The following INTS6L variants were observed in gnomAD, a reference collection of about 807,000 sequenced individuals.
INTS6L encodes integrator complex subunit 6 like, also known as integrator complex subunit 6-like.
A neutral mutation model predicts 64.7 loss-of-function variants in INTS6L; 18 were observed. The observed-to-expected ratio is 0.28, with a 90% CI of 0.19 to 0.41. The LOEUF is 0.41. Ranked by LOEUF, INTS6L falls within the 10% of genes least tolerant of loss-of-function variation. INTS6L has a pLI of 1.00. For synonymous variants in INTS6L, 227 were observed against 235.9 expected (o/e 0.96, Z 0.34); for missense variants, 533 against 661.0 (o/e 0.81, Z 2.12).
intron 2 of INTS6L, among the ~76,000 whole-genome samples, chrX:135,533,805 A>G (rs1164712065): frequency 8.9e-6 from 1 of 112,357 alleles, no homozygotes; most frequent in Non-Finnish European, 1.9e-5. Flanking sequence ...GTATCTGTCC[A>G]TAAATGAGCC....
intron 6 of INTS6L, among the ~76,000 whole-genome samples, chrX:135,547,646 C>T (rs1187751838): frequency 5.4e-5 from 6 of 111,560 alleles, no homozygotes; most frequent in South Asian, 7.5e-4. Context: ...GCCATCTTTA[C>T]GAAATATGTG....
chrX:135,580,953 C>T, intron 16 of INTS6L, 97 bp from the exon 17 acceptor site: 1 of 586,672 alleles, frequency 1.7e-6, no homozygotes, highest in Non-Finnish European at 2.5e-6. Flanking sequence ...ATCTAACTTT[C>T]CACTCACGAA....
Position 135,551,978 on chromosome X carries a change from A to G in INTS6L, c.907-16A>G, listed in dbSNP as rs782400888. On this transcript the variant is annotated splice_polypyrimidine_tract_variant and intron_variant, in intron 7 of 17. Transcript: ENST00000639893. ...CCTAACCATTTTTTCTGCTTTTTTT[A>G]AAAAATTTTTTTTAGCCTCCACGAA... 1.8e-6 allele frequency: 2 copies of G among 1,115,376 alleles called. No individual in the cohort carries two copies. Among genetic ancestry groups the G allele is most frequent in the South Asian group, 4.7e-5 (2 of 42,746 alleles). The allele number at this position is 1,115,376 out of a possible 1,213,427, so 91.9% of individuals were successfully genotyped here.
intron 2 of INTS6L, among the ~76,000 whole-genome samples, chrX:135,534,211 T>C (rs1171871865): frequency 2.8e-5 from 3 of 108,768 alleles, no homozygotes; most frequent in Non-Finnish European, 5.7e-5. Context: ...TTTATATGCT[T>C]AAAAAACTTC....
Position 135,580,080 on chromosome X carries a change from A to T in INTS6L, c.2412A>T (p.Leu804Phe). 1 of 1,209,403 alleles carries T rather than the reference A, an allele frequency of 8.3e-7. No individual in the cohort carries two copies. The highest frequency in any genetic ancestry group is 1.7e-5 in the African/African-American group (1 of 57,857). ...ASTLGAMPNT[L>F]QITPAMAQGI... ...CTTTGGGAGCTATGCCAAATACATT[A>T]CAAATCACTCCTGCTATGGCACAAG... Residue 804 changes from leucine (L) to phenylalanine (F), a missense_variant, in exon 16 of 18, where the codon TTA (leucine) becomes TTT (phenylalanine). Transcript: ENST00000639893.
Position 135,520,692 on chromosome X carries a change from G to C in INTS6L, c.-301G>C. ...GGCGAGCGCTCTAGTGAGCGCGGAC[G>C]GATGCTTAGGCAGTAGTCCTGGCAG... On this transcript the variant is annotated 5_prime_UTR_variant, in exon 1 of 18. Coordinates refer to ENST00000639893, the MANE Select transcript of INTS6L (RefSeq NM_001351601.3). The C allele has an allele frequency of 3.2e-6, 1 of 312,620 alleles. No individual in the cohort carries two copies. Among genetic ancestry groups the C allele is most frequent in the Non-Finnish European group, 5.7e-6 (1 of 176,867 alleles). 25.8% of individuals were successfully genotyped at this position (312,620 alleles called of 1,213,427 possible).
chrX:135,555,761 T>C (rs1396905394), intron 8 of INTS6L, among the ~76,000 whole-genome samples: 1 of 111,759 alleles, frequency 8.9e-6, no homozygotes, highest in African/African-American at 3.3e-5. Flanking sequence ...CAGTCATGAC[T>C]CACTGCAGCC....
At chrX:135,533,141 G>T in intron 2 of INTS6L, among the ~76,000 whole-genome samples, 1 of 112,017 alleles carries the variant, frequency 8.9e-6, no homozygotes. Flanking sequence ...GGTCCTGGAT[G>T]TGTTTAATGT....
intron 13 of INTS6L, 74 bp from the exon 14 acceptor site, chrX:135,575,010 C>T: frequency 9.0e-7 from 1 of 1,115,786 alleles, no homozygotes; most frequent in African/African-American, 1.8e-5. Context: ...CTAAACCAAA[C>T]TATGATCATG....
chrX:135,579,330 C>T (rs1257815785), intron 15 of INTS6L, among the ~76,000 whole-genome samples: 1 of 112,157 alleles, frequency 8.9e-6, no homozygotes, highest in Non-Finnish European at 1.9e-5. Context: ...GTGTATAGAA[C>T]TTTCAGCACT....
chrX:135,533,626 T>C (rs1355204435), intron 2 of INTS6L, among the ~76,000 whole-genome samples: 1 of 110,740 alleles, frequency 9.0e-6, no homozygotes, highest in African/African-American at 3.3e-5. Flanking sequence ...GAAGAATTTT[T>C]CCTAAAAGAA....
chrX:135,572,766 C>G, intron 11 of INTS6L, 49 bp from the exon 12 acceptor site: 1 of 1,040,079 alleles, frequency 9.6e-7, no homozygotes, highest in Non-Finnish European at 1.3e-6. Context: ...GTAAAAATGA[C>G]AGTGGTAATG....
intron 2 of INTS6L, among the ~76,000 whole-genome samples, chrX:135,543,195 T>C (rs2086267271): frequency 9.0e-6 from 1 of 111,420 alleles, no homozygotes; most frequent in Admixed American, 9.5e-5. Context: ...GATCTGATCA[T>C]ACCACTCCCC....
chrX:135,538,465 CT>C (rs1223115306), intron 2 of INTS6L, among the ~76,000 whole-genome samples: 1 of 112,038 alleles, frequency 8.9e-6, no homozygotes, highest in Non-Finnish European at 1.9e-5. Context: ...TATGCAGTTA[CT>C]TCCTCCACTG....
Position 135,573,925 on chromosome X carries a change from T to G in INTS6L, c.1618-14T>G, listed in dbSNP as rs782199752. On this transcript the variant is annotated splice_polypyrimidine_tract_variant and intron_variant, in intron 12 of 17. Coordinates refer to ENST00000639893, the MANE Select transcript of INTS6L (RefSeq NM_001351601.3). ...CTTAGGAGTAACTGAAATTATTTGT[T>G]TCATTTCAAATAGGATTTGAAACCT... 1 of 1,182,239 alleles carries G rather than the reference T, an allele frequency of 8.5e-7. No individual in the cohort carries two copies. The highest frequency in any genetic ancestry group is 1.1e-6 in the Non-Finnish European group (1 of 884,544).
At chrX:135,563,932 C>G (rs1485905983) in intron 9 of INTS6L, among the ~76,000 whole-genome samples, 1 of 110,416 alleles carries the variant, frequency 9.1e-6, no homozygotes, top group East Asian at 2.8e-4. Flanking sequence ...CATTCAGCTT[C>G]TTGAATCTGT....
At chrX:135,554,949 G>T (rs2086608048) in intron 8 of INTS6L, among the ~76,000 whole-genome samples, 1 of 83,915 alleles carries the variant, frequency 1.2e-5, no homozygotes, top group Non-Finnish European at 2.2e-5. Flanking sequence ...GGAGTGCAGT[G>T]GCACAATCTC....
At chrX:135,553,947 G>A (rs1159359793) in intron 8 of INTS6L, among the ~76,000 whole-genome samples, 1 of 111,663 alleles carries the variant, frequency 9.0e-6, no homozygotes, top group African/African-American at 3.3e-5. Context: ...TATGTCATAT[G>A]CCTCTTTCCT....
intron 8 of INTS6L, among the ~76,000 whole-genome samples, chrX:135,554,770 G>T (rs1311550795): frequency 9.0e-6 from 1 of 110,590 alleles, no homozygotes; most frequent in African/African-American, 3.3e-5. Flanking sequence ...CAACTGTAAG[G>T]GGGCTGATGA....
Sources: allele counts gnomAD v4.1 joint callset (sites outside exome capture counted in the v4.1 genomes callset), GRCh38; gene constraint gnomAD v4.1.1; transcripts MANE v1.5; gene names NCBI Gene and HGNC (gene_info 2026-07-23, HGNC 2026-07-21).